The following TCF7L1 variants were observed in gnomAD, a reference collection of about 807,000 sequenced individuals.
TCF7L1 encodes transcription factor 7-like 1.
In TCF7L1, 18 loss-of-function variants were observed where a neutral mutation model predicts 63.7. The observed-to-expected ratio is 0.28, with a 90% CI of 0.20 to 0.42. The LOEUF (loss-of-function observed/expected upper bound fraction) is 0.42. Among genes scored for constraint, TCF7L1 ranks in the 10% least tolerant of loss-of-function variants. TCF7L1 has a pLI of 1.00. For missense variants in TCF7L1, 654 were observed against 779.3 expected (o/e 0.84, Z 1.91); for synonymous variants, 355 against 340.9 (o/e 1.04, Z -0.46).
chr2:85,255,923 C>T (rs992823121), intron 3 of TCF7L1, among the ~76,000 whole-genome samples: 1 of 152,160 alleles, frequency 6.6e-6, no homozygotes, highest in Admixed American at 6.5e-5. Context: ...GTCTGAGCCC[C>T]TTGCACCCCT....
chr2:85,157,852 C>T (rs1023939886), intron 3 of TCF7L1, among the ~76,000 whole-genome samples: 1 of 152,148 alleles, frequency 6.6e-6, no homozygotes, highest in Non-Finnish European at 1.5e-5. Flanking sequence ...TCCTGCCTTC[C>T]CCTCCCCTCC....
intron 3 of TCF7L1, among the ~76,000 whole-genome samples, chr2:85,185,298 C>T (rs114970324): frequency 0.01 from 1,595 of 151,996 alleles, 37 homozygotes; most frequent in African/African-American, 0.037. Context: ...TGCTCTGTCA[C>T]CCAGGCTGGA....
At chr2:85,234,131 CTTTTTTT>C (rs35508338) in intron 3 of TCF7L1, among the ~76,000 whole-genome samples, 15 of 65,220 alleles carry the variant, frequency 2.3e-4, no homozygotes, top group East Asian at 7.8e-4. Flanking sequence ...TTTTTCTTTT[CTTTTTTT>C]TTTTTTTTTT....
chr2:85,220,220 G>A (rs945829714), intron 3 of TCF7L1, among the ~76,000 whole-genome samples: 6 of 151,930 alleles, frequency 3.9e-5, no homozygotes, highest in Admixed American at 6.6e-5. Flanking sequence ...ATGACAGATC[G>A]GATACTTGAG....
At chr2:85,141,345 G>A (rs879635202) in intron 3 of TCF7L1, among the ~76,000 whole-genome samples, 2 of 152,164 alleles carry the variant, frequency 1.3e-5, no homozygotes, top group Non-Finnish European at 2.9e-5. Context: ...GGTGTTAAAG[G>A]TAGAGAGAAG....
chr2:85,143,046 C>T (rs1677782608), intron 3 of TCF7L1, among the ~76,000 whole-genome samples: 1 of 152,192 alleles, frequency 6.6e-6, no homozygotes, highest in Non-Finnish European at 1.5e-5. Flanking sequence ...TTTTCCTAAA[C>T]ATAGCCTTTT....
chr2:85,209,489 G>C (rs1254967956), intron 3 of TCF7L1, among the ~76,000 whole-genome samples: 2 of 152,236 alleles, frequency 1.3e-5, no homozygotes, highest in South Asian at 4.1e-4. Context: ...AAAAGGCACT[G>C]TTTGAAACCT....
chr2:85,293,416 G>T (rs532894490), intron 4 of TCF7L1, among the ~76,000 whole-genome samples: 9 of 152,224 alleles, frequency 5.9e-5, no homozygotes, highest in Admixed American at 5.9e-4. Context: ...AGTAAGATGC[G>T]CCTGCTTCCC....
At chr2:85,176,351 A>G (rs1199353616) in intron 3 of TCF7L1, among the ~76,000 whole-genome samples, 1 of 152,200 alleles carries the variant, frequency 6.6e-6, no homozygotes, top group African/African-American at 2.4e-5. Context: ...CTGCAGGTAG[A>G]TGATTATTTA....
At chr2:85,173,141 C>G (rs1678592493) in intron 3 of TCF7L1, among the ~76,000 whole-genome samples, 1 of 152,248 alleles carries the variant, frequency 6.6e-6, no homozygotes, top group Admixed American at 6.5e-5. Context: ...AATAAATATT[C>G]CTTTCAAAAG....
intron 3 of TCF7L1, among the ~76,000 whole-genome samples, chr2:85,188,138 A>G (rs1212443400): frequency 1.3e-5 from 2 of 152,174 alleles, no homozygotes; most frequent in East Asian, 3.8e-4. Context: ...TGAGGGGAAT[A>G]AGGGATAGGT....
rs750328868 is a variant in TCF7L1 at position 85,174,887 on chromosome 2, G to A, written c.441+40437G>A. 1.4e-4 allele frequency among the ~76,000 whole-genome samples: 21 copies of A among 152,250 alleles called. No homozygotes were observed. In the Middle Eastern group the frequency reaches 0.01, roughly 74 times the overall value. On this transcript the variant is annotated intron_variant, in intron 3 of 11. Coordinates refer to ENST00000282111, the MANE Select transcript of TCF7L1 (RefSeq NM_031283.3). The stretch of plus-strand genomic sequence containing the variant: ...TGCCCGACCCTACCTTTCTTCCTCC[G>A]GACCTCATATTAGACCAGCTCCTCA...
chr2:85,292,713 A>C (rs1342481643), intron 4 of TCF7L1, among the ~76,000 whole-genome samples: 1 of 152,156 alleles, frequency 6.6e-6, no homozygotes, highest in Non-Finnish European at 1.5e-5. Context: ...AGTAGCTGGA[A>C]CCACAGGTGT....
At chr2:85,234,638 G>A (rs749411622) in intron 3 of TCF7L1, among the ~76,000 whole-genome samples, 2 of 152,164 alleles carry the variant, frequency 1.3e-5, no homozygotes, top group African/African-American at 2.4e-5. Context: ...TGTTCTGCCC[G>A]AAGTGGATCG....
chr2:85,307,010 A>ATGG (rs1376778930), intron 10 of TCF7L1, among the ~76,000 whole-genome samples: 1 of 152,156 alleles, frequency 6.6e-6, no homozygotes, highest in Non-Finnish European at 1.5e-5. Flanking sequence ...AGAAGCCCAT[A>ATGG]CTTCTCTAGA....
chr2:85,184,077 T>C (rs1278601774), intron 3 of TCF7L1, among the ~76,000 whole-genome samples: 1 of 151,634 alleles, frequency 6.6e-6, no homozygotes, highest in East Asian at 1.9e-4. Flanking sequence ...CTCAGTGGAG[T>C]GAGGTTGTTT....
At chr2:85,207,751 G>T (rs1485622730) in intron 3 of TCF7L1, among the ~76,000 whole-genome samples, 1 of 152,078 alleles carries the variant, frequency 6.6e-6, no homozygotes, top group Non-Finnish European at 1.5e-5. Context: ...CCGTACTTCA[G>T]TGCTGTATTC....
At chr2:85,162,653 C>T (rs550443441) in intron 3 of TCF7L1, among the ~76,000 whole-genome samples, 20 of 152,252 alleles carry the variant, frequency 1.3e-4, no homozygotes, top group Admixed American at 7.2e-4. Context: ...GGGTCACCTT[C>T]GGTTGCCTTG....
intron 3 of TCF7L1, among the ~76,000 whole-genome samples, chr2:85,216,266 TC>T (rs966748824): frequency 4.6e-5 from 7 of 152,002 alleles, no homozygotes; most frequent in African/African-American, 7.2e-5. Context: ...GCAGCTTTTT[TC>T]CCCCCATCCC....
Sources: gnomAD v4.1 joint callset for allele counts (sites outside exome capture counted in the v4.1 genomes callset) on GRCh38, gnomAD v4.1.1 for gene constraint, MANE v1.5 for transcripts, NCBI Gene and HGNC (gene_info 2026-07-23, HGNC 2026-07-21) for gene names.